UGT2B7: variants seen among roughly 807,000 people sequenced by gnomAD.
UGT2B7 encodes UDP-glucuronosyltransferase 2B7.
In UGT2B7, 51 loss-of-function variants were observed where a neutral mutation model predicts 51.9. That is an observed-to-expected ratio of 0.98 (90% CI 0.78 to 1.24). UGT2B7 has a LOEUF of 1.24. Ranked by LOEUF, UGT2B7 falls within the 50% of genes most tolerant of loss-of-function variation. The pLI, the probability that UGT2B7 is intolerant of heterozygous loss-of-function variation, is 0.00. For synonymous variants in UGT2B7, 225 were observed against 211.6 expected, an observed-to-expected ratio of 1.06 and a Z score of -0.55; for missense variants, 727 against 628.4, an observed-to-expected ratio of 1.16 and a Z score of -1.68.
chr4:69,107,077 A>G lies in UGT2B7; in HGVS notation c.1003-98A>G. The G allele has an allele frequency of 3.8e-6, 5 of 1,307,902 alleles. No homozygotes were observed. In the East Asian group the frequency reaches 1.2e-4, roughly 32 times the overall value. The allele number at this position is 1,307,902 out of a possible 1,614,324, so 81.0% of individuals were successfully genotyped here. A position where few individuals can be genotyped will look rare whatever the true frequency, so the allele number is the denominator to read the frequency against. ...AGTCTTTGAGTAGTTCTTATTTACT[A>G]ACATCCCTTGATCTCATTCCTACTC... On this transcript the variant is annotated intron_variant, in intron 3 of 5. Coordinates refer to ENST00000305231, the MANE Select transcript of UGT2B7 (RefSeq NM_001074.4).
intron 1 of UGT2B7, among the ~76,000 whole-genome samples, chr4:69,063,006 A>G (rs1343633287): frequency 6.6e-6 from 1 of 152,136 alleles, no homozygotes; most frequent in East Asian, 1.9e-4. Flanking sequence ...CCGTATTAGG[A>G]TGCCGTCACT....
In UGT2B7 at chr4:69,105,620, T is replaced by C. The variant is rs193259754; in HGVS notation, c.1003-1555T>C. ...ATTTTGAGTTTTTTCAACAGCTGTGTTTTTATTCATGACACCAACAGATTC... is the reference window on the plus strand; with the variant it reads ...ATTTTGAGTTTTTTCAACAGCTGTGCTTTTATTCATGACACCAACAGATTC... On this transcript the variant is annotated intron_variant, in intron 3 of 5. Coordinates refer to ENST00000305231, the MANE Select transcript of UGT2B7 (RefSeq NM_001074.4). Among the ~76,000 whole-genome samples, 26 of 152,276 alleles carry C rather than the reference T, an allele frequency of 1.7e-4. 1 individual carries two copies. Among genetic ancestry groups the C allele is most frequent in the African/African-American group, 5.5e-4 (23 of 41,558 alleles).
rs1314677669 is a variant in UGT2B7 at position 69,096,831 on chromosome 4, C to T, written c.311C>T (p.Thr104Ile). Residue 104 changes from threonine (T) to isoleucine (I), a missense_variant, in exon 1 of 6, where the codon ACA becomes ATA. By Grantham distance (89) the Thr-to-Ile change is moderately conservative. Transcript: ENST00000305231. ...AGATGGTCAGACCTTCCAAAAGATA[C>T]ATTTTGGTTATATTTTTCACAAGTA... ...IKRWSDLPKD[T>I]FWLYFSQVQE... 2 of 1,613,672 alleles carry T rather than the reference C, an allele frequency of 1.2e-6. No homozygotes were observed. The highest frequency in any genetic ancestry group is 8.5e-7 in the Non-Finnish European group (1 of 1,179,788).
intron 1 of UGT2B7, among the ~76,000 whole-genome samples, chr4:69,086,183 T>C (rs1326968976): frequency 6.6e-6 from 1 of 151,822 alleles, no homozygotes; most frequent in African/African-American, 2.4e-5. Flanking sequence ...TTCTAGGTTT[T>C]GTTATATTGT....
chr4:69,068,769 G>A (rs1294204597), intron 1 of UGT2B7, among the ~76,000 whole-genome samples: 2 of 151,842 alleles, frequency 1.3e-5, no homozygotes, highest in Non-Finnish European at 2.9e-5. Flanking sequence ...TTGCTACAGT[G>A]CCATACTTTA....
upstream of UGT2B7, among the ~76,000 whole-genome samples, chr4:69,093,600 A>C (rs922718386): frequency 2.6e-5 from 4 of 152,198 alleles, no homozygotes; most frequent in Non-Finnish European, 5.9e-5. Flanking sequence ...ACGTCTCTAC[A>C]CGTGCCTGAG....
chr4:69,104,345 A>G (rs866115889), intron 3 of UGT2B7, among the ~76,000 whole-genome samples: 1 of 152,144 alleles, frequency 6.6e-6, no homozygotes, highest in Non-Finnish European at 1.5e-5. Context: ...TTTTATAAAG[A>G]TGGAGTCTGG....
At position 69,085,053 on chromosome 4, in the gene UGT2B7, C is replaced by T. The variant is rs186693460; in HGVS notation, c.-158-4419C>T. ...CCTTGAAGAATCGCCACACTGTCTT[C>T]CACAACAGTTGAACTAATTTACACT... On this transcript the variant is annotated intron_variant, in intron 1 of 5. Coordinates refer to the UGT2B7 transcript ENST00000502942. 8.9e-4 allele frequency among the ~76,000 whole-genome samples: 136 copies of T among 152,238 alleles called. 1 individual carries two copies. Among genetic ancestry groups the T allele is most frequent in the African/African-American group, 3.1e-3 (128 of 41,556 alleles).
At chr4:69,061,006 C>A (rs573437290) in intron 1 of UGT2B7, among the ~76,000 whole-genome samples, 84 of 152,190 alleles carry the variant, frequency 5.5e-4, no homozygotes, top group South Asian at 1.2e-3. Context: ...CCTCGGAGAC[C>A]TGGACATTGA....
chr4:69,087,003 G>C (rs1411546635), intron 1 of UGT2B7, among the ~76,000 whole-genome samples: 2 of 151,194 alleles, frequency 1.3e-5, no homozygotes, highest in Admixed American at 1.3e-4. Flanking sequence ...CCTCCATTTT[G>C]TTAATTGTTT....
At chr4:69,071,770 A>G (rs1462471430) in intron 1 of UGT2B7, among the ~76,000 whole-genome samples, 1 of 152,140 alleles carries the variant, frequency 6.6e-6, no homozygotes, top group Non-Finnish European at 1.5e-5. Flanking sequence ...CACTAGAAAG[A>G]AACAAATAGC....
intron 2 of UGT2B7, among the ~76,000 whole-genome samples, chr4:69,100,674 A>G (rs1181402435): frequency 1.3e-5 from 2 of 152,072 alleles, no homozygotes; most frequent in South Asian, 2.1e-4. Flanking sequence ...TAGGAGGTGT[A>G]GAAGGACAAG....
rs531016686 is a variant in UGT2B7 at position 69,100,223 on chromosome 4, A to T, written c.870+1535A>T. ...ATAGCTGCCTGACACAGAAGCACAGAGATAATGAACAATGCATGTATAATA... is the reference window on the plus strand; with the variant it reads ...ATAGCTGCCTGACACAGAAGCACAGTGATAATGAACAATGCATGTATAATA... On this transcript the variant is annotated intron_variant, in intron 2 of 5. Coordinates refer to ENST00000305231, the MANE Select transcript of UGT2B7 (RefSeq NM_001074.4). Among the ~76,000 whole-genome samples, 37 of 152,190 alleles carry T rather than the reference A, an allele frequency of 2.4e-4. 1 individual carries two copies. The highest frequency in any genetic ancestry group is 8.4e-4 in the African/African-American group (35 of 41,570).
At chr4:69,066,655 T>C (rs1718489174) in intron 1 of UGT2B7, among the ~76,000 whole-genome samples, 1 of 152,168 alleles carries the variant, frequency 6.6e-6, no homozygotes, top group East Asian at 1.9e-4. Flanking sequence ...GAAAATATAA[T>C]AAACTAAAAG....
exon 1 of UGT2B7, chr4:69,051,598 A>G (rs1377684563): frequency 3.3e-5 from 5 of 152,402 alleles, no homozygotes; most frequent in African/African-American, 9.6e-5. Flanking sequence ...GACATCTAAA[A>G]TTTGGTAAGA....
chr4:69,084,865 A>G (rs533570639), intron 1 of UGT2B7, among the ~76,000 whole-genome samples: 69 of 152,258 alleles, frequency 4.5e-4, no homozygotes, highest in Non-Finnish European at 8.7e-4. Context: ...CCAGTCTATC[A>G]TTGATGGGCA....
intron 5 of UGT2B7, among the ~76,000 whole-genome samples, chr4:69,108,526 A>T (rs574303440): frequency 6.6e-6 from 1 of 152,278 alleles, no homozygotes; most frequent in African/African-American, 2.4e-5. Context: ...CCAGTTAGTG[A>T]AACAATTTTC....
chr4:69,104,281 C>A (rs1457313116), intron 3 of UGT2B7, among the ~76,000 whole-genome samples: 1 of 152,026 alleles, frequency 6.6e-6, no homozygotes, highest in East Asian at 1.9e-4. Context: ...CCTCTCAAAA[C>A]AAATGTAAAC....
chr4:69,100,233 C>A (rs1250814457), intron 2 of UGT2B7, among the ~76,000 whole-genome samples: 1 of 151,968 alleles, frequency 6.6e-6, no homozygotes, highest in Non-Finnish European at 1.5e-5. Flanking sequence ...AGATAATGAA[C>A]AATGCATGTA....
Sources: gnomAD v4.1 joint callset for allele counts (sites outside exome capture counted in the v4.1 genomes callset) on GRCh38, gnomAD v4.1.1 for gene constraint, MANE v1.5 for transcripts, NCBI Gene and HGNC (gene_info 2026-07-23, HGNC 2026-07-21) for gene names.